The following TAOK1 variants were observed in gnomAD, a reference collection of about 807,000 sequenced individuals.
TAOK1 encodes TAO kinase 1, also known as serine/threonine-protein kinase TAO1.
Under a neutral mutation model 138.3 loss-of-function variants are expected in TAOK1, and 21 were observed. That is an observed-to-expected ratio of 0.15 (90% CI 0.11 to 0.22). The LOEUF is 0.22. Among genes scored for constraint, TAOK1 ranks in the 10% least tolerant of loss-of-function variants. TAOK1 has a pLI of 1.00. For synonymous variants in TAOK1, 361 were observed against 398.4 expected, an observed-to-expected ratio of 0.91 and a Z score of 1.12; for missense variants, 651 against 1,227.7, an observed-to-expected ratio of 0.53 and a Z score of 7.02.
intron 1 of TAOK1, among the ~76,000 whole-genome samples, chr17:29,417,531 G>A (rs570033688): frequency 6.6e-6 from 1 of 152,268 alleles, no homozygotes; most frequent in East Asian, 1.9e-4. Flanking sequence ...AGATGTTATA[G>A]TAGGGAATGA....
At chr17:29,503,968 G>T (rs1281135334) in intron 13 of TAOK1, among the ~76,000 whole-genome samples, 1 of 152,088 alleles carries the variant, frequency 6.6e-6, no homozygotes, top group Non-Finnish European at 1.5e-5. Flanking sequence ...AAAATCAGCT[G>T]GGCATGGTGG....
chr17:29,478,788 G>A (rs953080), intron 6 of TAOK1, among the ~76,000 whole-genome samples: 5,791 of 152,164 alleles, frequency 0.038, 387 homozygotes, highest in African/African-American at 0.13. Context: ...AACTGATAAT[G>A]ACATATTTAT....
At chr17:29,449,245 T>TG (rs1032440464) in intron 1 of TAOK1, among the ~76,000 whole-genome samples, 1 of 152,172 alleles carries the variant, frequency 6.6e-6, no homozygotes, top group African/African-American at 2.4e-5. Flanking sequence ...AGTTTAGGGA[T>TG]GAGAAGTTAA....
chr17:29,466,345 T>C (rs1254908450), intron 2 of TAOK1, among the ~76,000 whole-genome samples: 1 of 152,126 alleles, frequency 6.6e-6, no homozygotes, highest in Admixed American at 6.6e-5. Flanking sequence ...ATTTTCACCA[T>C]GTTGGCCAGG....
At chr17:29,508,943 A>C (rs2031671928) in intron 14 of TAOK1, among the ~76,000 whole-genome samples, 1 of 152,118 alleles carries the variant, frequency 6.6e-6, no homozygotes, top group Non-Finnish European at 1.5e-5. Flanking sequence ...GTAAATTCAC[A>C]CAATATCATT....
intron 1 of TAOK1, among the ~76,000 whole-genome samples, chr17:29,425,670 AAAAC>A (rs779351363): frequency 3.9e-4 from 54 of 139,594 alleles, no homozygotes; most frequent in Admixed American, 3.6e-4. Flanking sequence ...TCAAAAATGA[AAAAC>A]AAACAAACAA....
intron 18 of TAOK1, among the ~76,000 whole-genome samples, chr17:29,533,526 C>G (rs1467430672): frequency 1.2e-4 from 17 of 147,046 alleles, no homozygotes; most frequent in African/African-American, 3.2e-4. Context: ...CCGAGATCAC[C>G]CCACTGCACT....
At chr17:29,409,921 G>C (rs1905098630) in intron 1 of TAOK1, among the ~76,000 whole-genome samples, 1 of 152,098 alleles carries the variant, frequency 6.6e-6, no homozygotes, top group Non-Finnish European at 1.5e-5. Context: ...AAGTCAGGTG[G>C]GGATGCTGAC....
At position 29,442,176 on chromosome 17, in the gene TAOK1, G is replaced by T. The variant is rs915087017; in HGVS notation, c.-94-9279G>T. On this transcript the variant is annotated intron_variant, in intron 1 of 19. Transcript: ENST00000261716. ...TCCCACCTCAACCTCCTCCCAAGTAGCTGGGACAACAGGCATATGACACCA... is the reference window on the plus strand; with the variant it reads ...TCCCACCTCAACCTCCTCCCAAGTATCTGGGACAACAGGCATATGACACCA... Among the ~76,000 whole-genome samples, 8 of 151,798 alleles carry T rather than the reference G, an allele frequency of 5.3e-5. No individual in the cohort carries two copies. The East Asian group carries it at 1.6e-3, about 30-fold the overall frequency.
At position 29,494,215 on chromosome 17, in the gene TAOK1, A is replaced by G. The variant is rs2031364661; in HGVS notation, c.832-1345A>G. Among the ~76,000 whole-genome samples, 3 of 152,100 alleles carry G rather than the reference A, an allele frequency of 2.0e-5. No homozygotes were observed. In the South Asian group the frequency reaches 6.2e-4, roughly 32 times the overall value. ...AGCCACTGCGCCCAGCTAAAATAATAATACTTATGACTGTGAAAATTGAAT... is the reference window on the plus strand; with the variant it reads ...AGCCACTGCGCCCAGCTAAAATAATGATACTTATGACTGTGAAAATTGAAT... On this transcript the variant is annotated intron_variant, in intron 10 of 19. Coordinates refer to ENST00000261716, the MANE Select transcript of TAOK1 (RefSeq NM_020791.4).
Position 29,475,755 on chromosome 17 carries a change from G to T in TAOK1, c.290G>T (p.Arg97Leu). ...NSIEYKGCYL[R>L]EHTAWLVMEY... ...ATAGAATACAAAGGCTGTTATTTAC[G>T]TGAACACACAGCATGGGTTGGTATT... Residue 97 changes from arginine to leucine, a missense_variant, in exon 4 of 20, where the codon CGT (arginine) becomes CTT (leucine). Physicochemically the swap from Arg to Leu is moderately radical, Grantham distance 102. Around this residue, in one of 8 missense-constraint regions of TAOK1, gnomAD observed 116 missense variants for 213.9 expected, o/e 0.54. Transcript: ENST00000261716. The T allele has an allele frequency of 6.2e-7, 1 of 1,611,964 alleles. No homozygotes were observed. The highest frequency in any genetic ancestry group is 8.5e-7 in the Non-Finnish European group (1 of 1,178,962).
intron 19 of TAOK1, among the ~76,000 whole-genome samples, chr17:29,540,420 A>G (rs530031115): frequency 6.6e-6 from 1 of 152,256 alleles, no homozygotes; most frequent in East Asian, 1.9e-4. Flanking sequence ...GCTGGAGTGC[A>G]GTAGCCCCAT....
rs1471698491 is a variant in TAOK1, at chr17:29,451,443, A to G, written c.-94-12A>G. Reference sequence around the variant, plus strand: ...TTGCCTTTTCTGACTTTTTTTTTCTATTTTTCTACAGTAGTTTATGCCAAC... The same window carrying G: ...TTGCCTTTTCTGACTTTTTTTTTCTGTTTTTCTACAGTAGTTTATGCCAAC... On this transcript the variant is annotated splice_polypyrimidine_tract_variant and intron_variant, in intron 1 of 19. Transcript: ENST00000261716. The G allele has an allele frequency of 3.7e-6, 5 of 1,356,666 alleles. No individual in the cohort carries two copies. The highest frequency in any genetic ancestry group is 4.8e-6 in the Non-Finnish European group (5 of 1,036,502). 84.0% of individuals were successfully genotyped at this position (1,356,666 alleles called of 1,614,324 possible).
chr17:29,472,925 A>G (rs1259281362), intron 3 of TAOK1, among the ~76,000 whole-genome samples: 4 of 152,214 alleles, frequency 2.6e-5, no homozygotes, highest in African/African-American at 9.6e-5. Flanking sequence ...TCCTTGATCC[A>G]TGGGCTGCAG....
intron 8 of TAOK1, 98 bp downstream of exon 8, chr17:29,482,386 T>C (rs1338804764): frequency 1.0e-6 from 1 of 983,810 alleles, no homozygotes; most frequent in Non-Finnish European, 1.5e-6. Flanking sequence ...TTATCTTAAA[T>C]GTCACTTTAT....
chr17:29,486,979 T>TCA (rs2031185329), intron 8 of TAOK1, among the ~76,000 whole-genome samples: 1 of 152,142 alleles, frequency 6.6e-6, no homozygotes, highest in Non-Finnish European at 1.5e-5. Flanking sequence ...CCAGTTGCTG[T>TCA]GGCTCATGCC....
At chr17:29,447,690 T>C (rs949836530) in intron 1 of TAOK1, among the ~76,000 whole-genome samples, 1 of 150,936 alleles carries the variant, frequency 6.6e-6, no homozygotes, top group African/African-American at 2.4e-5. Context: ...AGAGTGTCGC[T>C]ATGTTGCCCA....
intron 9 of TAOK1, 50 bp from the exon 10 acceptor site, chr17:29,491,733 AT>A: frequency 2.2e-6 from 3 of 1,345,634 alleles, no homozygotes; most frequent in Non-Finnish European, 1.1e-6. Context: ...TTGTGAATGT[AT>A]TTTTAAAGGA....
At chr17:29,518,319 A>G (rs1436390615) in intron 16 of TAOK1, among the ~76,000 whole-genome samples, 4 of 152,206 alleles carry the variant, frequency 2.6e-5, no homozygotes, top group African/African-American at 7.2e-5. Context: ...TACAAAAAAT[A>G]TATGTATACA....
Sources: gnomAD v4.1 joint callset for allele counts (sites outside exome capture counted in the v4.1 genomes callset) on GRCh38, gnomAD v4.1.1 for gene constraint, gnomAD v4.1.1 regional missense constraint, MANE v1.5 for transcripts, NCBI Gene and HGNC (gene_info 2026-07-23, HGNC 2026-07-21) for gene names.